AASDH: variants seen among roughly 807,000 people sequenced by gnomAD.
AASDH encodes aminoadipate-semialdehyde dehydrogenase.
AASDH carries 81 observed loss-of-function variants against 102.3 expected under a neutral mutation model. The ratio of observed to expected loss-of-function variants is 0.79; its 90% CI spans 0.66 to 0.95. The LOEUF is 0.95. Among genes scored for constraint, AASDH ranks in the 40% least tolerant of loss-of-function variants. AASDH has a pLI of 0.00. For synonymous variants in AASDH, 398 were observed against 454.0 expected (o/e 0.88, Z 1.57); for missense variants, 1,203 against 1,266.2 (o/e 0.95, Z 0.76).
intron 12 of AASDH, among the ~76,000 whole-genome samples, chr4:56,344,076 AAAT>A (rs1748039820): frequency 6.6e-6 from 1 of 152,190 alleles, no homozygotes; most frequent in Admixed American, 6.5e-5. Flanking sequence ...ATATGAACAT[AAAT>A]AATTTCTCTC....
rs557261035 is a variant in AASDH at position 56,381,413 on chromosome 4, A to AAT, written c.351+1062_351+1063dup. ...TGGTGAAACCTTGTCTCTACTTAAA[A>AAT]ATATATATACAAAAATTAGCCGGGT... On this transcript the variant is annotated intron_variant, in intron 3 of 14. Coordinates refer to ENST00000205214, the MANE Select transcript of AASDH (RefSeq NM_181806.4). 5.5e-3 allele frequency among the ~76,000 whole-genome samples: 830 copies of AAT among 152,046 alleles called. 8 individuals are homozygous for AAT. Among genetic ancestry groups the AAT allele is most frequent in the African/African-American group, 0.019 (806 of 41,470 alleles).
chr4:56,379,254 C>G (rs1226270706), intron 3 of AASDH, among the ~76,000 whole-genome samples: 2 of 152,134 alleles, frequency 1.3e-5, no homozygotes, highest in African/African-American at 2.4e-5. Flanking sequence ...CCACCTCAGC[C>G]TCTTGAGTAG....
intron 7 of AASDH, 89 bp from the exon 8 acceptor site, chr4:56,354,300 T>A: frequency 1.7e-6 from 2 of 1,183,650 alleles, no homozygotes; most frequent in East Asian, 2.8e-5. Context: ...GTTCAGTGAC[T>A]AAACTTCAAA....
chr4:56,346,617 CATATATCTG>C (rs1748360946), intron 11 of AASDH, among the ~76,000 whole-genome samples: 1 of 152,018 alleles, frequency 6.6e-6, no homozygotes, highest in South Asian at 2.1e-4. Flanking sequence ...ACATGCAAAA[CATATATCTG>C]ATAAATGATT....
chr4:56,341,546 C>T (rs1357131705), intron 14 of AASDH, among the ~76,000 whole-genome samples: 1 of 147,404 alleles, frequency 6.8e-6, no homozygotes, highest in Non-Finnish European at 1.5e-5. Flanking sequence ...GCATGTGCCA[C>T]CACACCCAGC....
Position 56,349,510 on chromosome 4 carries a change from C to T in AASDH, c.2241G>A (p.Ala747=), listed in dbSNP as rs147133663. Residue 747 remains alanine (A), a synonymous_variant, in exon 11 of 15, where the codon GCG becomes GCA. Coordinates refer to ENST00000205214, the MANE Select transcript of AASDH (RefSeq NM_181806.4). ...VAKVSEEGKP[A]IGTQKMELHV... The stretch of plus-strand genomic sequence containing the variant: ...GTAACTCCATTTTCTGAGTCCCTAT[C>T]GCAGGTTTCCCCTCTTCAGAAACTT... 5.4e-5 allele frequency: 87 copies of T among 1,614,070 alleles called. No individual in the cohort carries two copies. The highest frequency in any genetic ancestry group is 1.6e-4 in the Middle Eastern group (1 of 6,084).
At chr4:56,382,657 A>G (rs1753118545) in intron 2 of AASDH, 60 bp from the exon 3 acceptor site, 1 of 1,542,254 alleles carries the variant, frequency 6.5e-7, no homozygotes, top group South Asian at 1.2e-5. Flanking sequence ...TTGTTTAAGC[A>G]TTTCTATTTC....
At chr4:56,353,950 A>G in intron 8 of AASDH, 89 bp downstream of exon 8, 4 of 1,248,030 alleles carry the variant, frequency 3.2e-6, no homozygotes, top group Non-Finnish European at 4.3e-6. Context: ...TCAGGTGTAA[A>G]TAATAGAGAC....
At chr4:56,361,530 T>C (rs1750297026) in intron 5 of AASDH, among the ~76,000 whole-genome samples, 2 of 152,186 alleles carry the variant, frequency 1.3e-5, no homozygotes. Context: ...ATTCTAGACA[T>C]ACAAAAATGA....
chr4:56,350,864 A>T (rs1748917357), intron 10 of AASDH, among the ~76,000 whole-genome samples: 1 of 152,216 alleles, frequency 6.6e-6, no homozygotes, highest in Non-Finnish European at 1.5e-5. Context: ...AAAAATCTAC[A>T]TTTTATTTAA....
At chr4:56,347,006 A>T (rs1015732467) in intron 11 of AASDH, among the ~76,000 whole-genome samples, 1 of 151,212 alleles carries the variant, frequency 6.6e-6, no homozygotes, top group East Asian at 1.9e-4. Flanking sequence ...ACGCCACTGC[A>T]CTCCAGCCTG....
At chr4:56,356,844 C>A (rs539523010) in intron 5 of AASDH, 3 of 848,760 alleles carry the variant, frequency 3.5e-6, no homozygotes, top group Non-Finnish European at 5.9e-6. Context: ...GTCACTGGGG[C>A]GGCAATGTCC....
chr4:56,386,895 G>A (rs1390806581), intron 1 of AASDH, among the ~76,000 whole-genome samples: 1 of 148,636 alleles, frequency 6.7e-6, no homozygotes, highest in African/African-American at 2.5e-5. Flanking sequence ...TACAACTGTA[G>A]AAGCTGCTAT....
At chr4:56,346,207 T>C (rs574757050) in intron 11 of AASDH, among the ~76,000 whole-genome samples, 65 of 152,212 alleles carry the variant, frequency 4.3e-4, no homozygotes, top group Admixed American at 7.9e-4. Flanking sequence ...GGCAATTTCA[T>C]TGATGCCCAC....
intron 2 of AASDH, among the ~76,000 whole-genome samples, chr4:56,383,162 A>AT (rs35068358): frequency 0.36 from 54,509 of 152,082 alleles, 10,288 homozygotes; most frequent in Non-Finnish European, 0.43. Flanking sequence ...GAAATACAAG[A>AT]TTTTTTTAAA....
chr4:56,353,188 CTTA>C (rs1368047349), intron 9 of AASDH, among the ~76,000 whole-genome samples: 2 of 152,116 alleles, frequency 1.3e-5, no homozygotes, highest in Non-Finnish European at 2.9e-5. Flanking sequence ...CTCTTTAAGC[CTTA>C]TTTTCTTCAT....
chr4:56,376,270 C>A (rs921399237), intron 4 of AASDH, among the ~76,000 whole-genome samples: 2 of 152,136 alleles, frequency 1.3e-5, no homozygotes. Context: ...AAGCGATCCT[C>A]CTGCCTTAGC....
intron 11 of AASDH, among the ~76,000 whole-genome samples, chr4:56,348,254 T>C (rs984673917): frequency 6.6e-5 from 10 of 151,398 alleles, no homozygotes; most frequent in African/African-American, 2.4e-4. Context: ...AACTGAGTTA[T>C]GCACTTTTTT....
intron 14 of AASDH, among the ~76,000 whole-genome samples, chr4:56,342,226 G>A (rs1021282245): frequency 3.3e-5 from 5 of 151,688 alleles, no homozygotes; most frequent in African/African-American, 1.2e-4. Flanking sequence ...ATAATGTTCA[G>A]TAGCAGAGTA....
Sources: allele counts gnomAD v4.1 joint callset (sites outside exome capture counted in the v4.1 genomes callset), GRCh38; gene constraint gnomAD v4.1.1; transcripts MANE v1.5; gene names NCBI Gene and HGNC (gene_info 2026-07-23, HGNC 2026-07-21).